The following USP34 variants were observed in gnomAD, a reference collection of about 807,000 sequenced individuals.
USP34 encodes ubiquitin specific peptidase 34, also known as ubiquitin carboxyl-terminal hydrolase 34.
In USP34, 70 loss-of-function variants were observed where a neutral mutation model predicts 460.3. The ratio of observed to expected loss-of-function variants is 0.15; its 90% CI spans 0.13 to 0.19. The LOEUF (loss-of-function observed/expected upper bound fraction) is 0.19, where lower values mean the gene tolerates loss of function less well. Ranked by LOEUF, USP34 falls within the 10% of genes least tolerant of loss-of-function variation. USP34 has a pLI of 1.00. For missense variants in USP34, 3,985 were observed against 4,236.2 expected, an observed-to-expected ratio of 0.94 and a Z score of 1.65; for synonymous variants, 1,647 against 1,405.3, an observed-to-expected ratio of 1.17 and a Z score of -3.85.
At chr2:61,429,343 A>G (rs564383991) in intron 1 of USP34, among the ~76,000 whole-genome samples, 41 of 152,314 alleles carry the variant, frequency 2.7e-4, no homozygotes, top group Non-Finnish European at 4.6e-4. Context: ...GCTACTTGGG[A>G]GGCTGAGGCA....
At position 61,369,111 on chromosome 2, in the gene USP34, A is replaced by C. The variant is rs192423467; in HGVS notation, c.1251+1210T>G. 3.4e-4 allele frequency among the ~76,000 whole-genome samples: 52 copies of C among 152,328 alleles called. No individual in the cohort carries two copies. The East Asian group carries it at 9.6e-3, about 28-fold the overall frequency. On this transcript the variant is annotated intron_variant, in intron 10 of 79. Coordinates refer to ENST00000398571, the MANE Select transcript of USP34 (RefSeq NM_014709.4). ...AAAGAAACGCAAATTTAAAATACCA[A>C]TGATATCACTTTTCACCCATCAGGT...
chr2:61,435,276 C>G (rs1272138964), intron 1 of USP34, among the ~76,000 whole-genome samples: 1 of 125,096 alleles, frequency 8.0e-6, no homozygotes, highest in African/African-American at 3.0e-5. Flanking sequence ...TGTATTCTAT[C>G]TAGCCTGGGC....
intron 27 of USP34, among the ~76,000 whole-genome samples, 188 bp downstream of exon 27, chr2:61,311,352 T>A (rs568376116): frequency 6.6e-6 from 1 of 152,184 alleles, no homozygotes; most frequent in South Asian, 2.1e-4. Flanking sequence ...CTTCCCAAAT[T>A]CTGTTCTTTA....
chr2:61,430,214 CA>C lies in USP34; in HGVS notation c.44-9382del, dbSNP rs1232126412. ...TGGGCGACAGAGCGAGTCTTCGTCA[CA>C]AAAAAAAAAAAAAAAGAAAAGAAAA... On this transcript the variant is annotated intron_variant, in intron 1 of 79. Transcript: ENST00000398571. 8.6e-3 allele frequency among the ~76,000 whole-genome samples: 670 copies of C among 78,104 alleles called. 4 individuals are homozygous for C. Among genetic ancestry groups the C allele is most frequent in the African/African-American group, 0.03 (545 of 18,154 alleles). The allele number at this position is 78,104 out of a possible 152,430, so 51.2% of individuals were successfully genotyped here.
rs571626677 is a variant in USP34 at position 61,278,419 on chromosome 2, A to G, written c.5281T>C (p.Leu1761=). 348 of 1,599,988 alleles carry G rather than the reference A, an allele frequency of 2.2e-4. 3 individuals are homozygous for G. The South Asian group carries it at 3.8e-3, about 17-fold the overall frequency. ...ATACAGTCAGCCAAATGTCTTGCCA[A>G]GGCATCTAAGTCGAGGAGCGTTGTC... is the stretch of plus-strand genomic sequence containing the variant. The part of the protein sequence containing the change: ...SQTTLLDLDA[L]ARHLADCIRS... Residue 1761 remains leucine, a synonymous_variant, in exon 40 of 80, where the codon TTG becomes CTG. Coordinates refer to ENST00000398571, the MANE Select transcript of USP34 (RefSeq NM_014709.4).
chr2:61,236,045 A>T lies in USP34; in HGVS notation c.6947T>A (p.Phe2316Tyr), dbSNP rs769099081. The T allele has an allele frequency of 3.1e-6, 5 of 1,607,124 alleles. No individual in the cohort carries two copies. Among genetic ancestry groups the T allele is most frequent in the Non-Finnish European group, 4.2e-6 (5 of 1,178,356 alleles). ...ACATACCTTTTCTTTAGAATGAATAAATGTCTCTAGGACAAAGGAAGTGCT... is the reference window on the plus strand; with the variant it reads ...ACATACCTTTTCTTTAGAATGAATATATGTCTCTAGGACAAAGGAAGTGCT... ...KLSTSFVLET[F>Y]IHSKEKPTML... Residue 2316 changes from phenylalanine (F) to tyrosine (Y), a missense_variant, in exon 56 of 80, where the codon TTT (phenylalanine) becomes TAT (tyrosine). Physicochemically the swap from Phe to Tyr is conservative, Grantham distance 22 (BLOSUM62 3). Transcript: ENST00000398571.
intron 7 of USP34, 121 bp downstream of exon 7, chr2:61,380,048 T>A (rs1267778274): frequency 4.6e-5 from 34 of 739,118 alleles, no homozygotes. Context: ...CCATATAAAG[T>A]AATCCACATA....
At chr2:61,296,456 T>C (rs1690033458) in intron 30 of USP34, among the ~76,000 whole-genome samples, 1 of 152,178 alleles carries the variant, frequency 6.6e-6, no homozygotes, top group South Asian at 2.1e-4. Context: ...ATGCACATCA[T>C]TTCACCTCTG....
intron 57 of USP34, among the ~76,000 whole-genome samples, chr2:61,235,114 T>C (rs1688027866): frequency 6.6e-6 from 1 of 152,186 alleles, no homozygotes; most frequent in Non-Finnish European, 1.5e-5. Context: ...CACATACACA[T>C]AACTACATGG....
In USP34 at chr2:61,387,958, CATAT is replaced by C. The variant is rs67320666; in HGVS notation, c.754-4626_754-4623del. ...ACACACACACACACACACACACACA[CATAT>C]ATATATATAAATATAAAAAAAAGGC... On this transcript the variant is annotated intron_variant, in intron 5 of 79. Coordinates refer to ENST00000398571, the MANE Select transcript of USP34 (RefSeq NM_014709.4). 5.2e-3 allele frequency among the ~76,000 whole-genome samples: 681 copies of C among 129,732 alleles called. 10 individuals carry two copies. The highest frequency in any genetic ancestry group is 0.044 in the Middle Eastern group (12 of 274). 85.1% of individuals were successfully genotyped at this position (129,732 alleles called of 152,430 possible). A position where few individuals can be genotyped will look rare whatever the true frequency, so the allele number is the denominator to read the frequency against.
intron 41 of USP34, among the ~76,000 whole-genome samples, chr2:61,268,546 T>C (rs879539352): frequency 4.8e-5 from 7 of 147,056 alleles, no homozygotes; most frequent in Middle Eastern, 3.5e-3. Context: ...AGTAAAAGGC[T>C]CCTGAGTCCT....
intron 2 of USP34, among the ~76,000 whole-genome samples, chr2:61,406,405 G>T (rs1400401321): frequency 1.3e-5 from 2 of 152,042 alleles, no homozygotes; most frequent in African/African-American, 4.8e-5. Flanking sequence ...TTAAAAACAA[G>T]AATTGTGACA....
At chr2:61,296,683 G>A (rs1435809896) in intron 30 of USP34, 117 bp downstream of exon 30, 2 of 1,098,384 alleles carry the variant, frequency 1.8e-6, no homozygotes, top group Non-Finnish European at 2.5e-6. Context: ...CTACTATATG[G>A]GTAAAAACTA....
intron 48 of USP34, among the ~76,000 whole-genome samples, chr2:61,255,765 C>T (rs1006168030): frequency 2.0e-5 from 3 of 152,148 alleles, no homozygotes; most frequent in Admixed American, 6.5e-5. Context: ...ATCCCTTTGT[C>T]CAGCTTATCT....
rs755110415 is a variant in USP34, at chr2:61,256,343, C to G, written c.6221+41G>C. 6 of 1,532,750 alleles carry G rather than the reference C, an allele frequency of 3.9e-6. No individual in the cohort carries two copies. In the East Asian group the frequency reaches 1.4e-4, roughly 35 times the overall value. The allele number at this position is 1,532,750 out of a possible 1,614,324, so 94.9% of individuals were successfully genotyped here. A position where few individuals can be genotyped will look rare whatever the true frequency, so the allele number is the denominator to read the frequency against. ...TTTACCCTTAGTTTGTCTTTCACTT[C>G]TACGGTGAACATAATAAAAATCACA... On this transcript the variant is annotated intron_variant, in intron 48 of 79. Coordinates refer to ENST00000398571, the MANE Select transcript of USP34 (RefSeq NM_014709.4).
At position 61,317,514 on chromosome 2, in the gene USP34, T is replaced by G; in HGVS notation, c.3282+140A>C. 5 of 656,298 alleles carry G rather than the reference T, an allele frequency of 7.6e-6. No individual in the cohort carries two copies. The South Asian group carries it at 8.1e-5, about 11-fold the overall frequency. 40.7% of individuals were successfully genotyped at this position (656,298 alleles called of 1,614,324 possible). On this transcript the variant is annotated intron_variant, in intron 23 of 79. Transcript: ENST00000398571. ...TGCACTACAGCCTGAGCAACAGAGA[T>G]AGACTCCATCTCAAAACAAACCCAA...
At chr2:61,461,286 G>A (rs926460648) in intron 1 of USP34, among the ~76,000 whole-genome samples, 2 of 151,582 alleles carry the variant, frequency 1.3e-5, no homozygotes, top group South Asian at 2.1e-4. Context: ...CCAGCTACTC[G>A]GGAGTCTGAG....
intron 75 of USP34, among the ~76,000 whole-genome samples, chr2:61,195,715 TAC>T (rs1307886569): frequency 6.6e-6 from 1 of 151,984 alleles, no homozygotes; most frequent in East Asian, 1.9e-4. Context: ...AACAGTATGT[TAC>T]AGAGACCTTG....
intron 29 of USP34, 74 bp downstream of exon 29, chr2:61,300,877 A>T (rs943039879): frequency 3.4e-5 from 34 of 1,008,266 alleles, no homozygotes; most frequent in African/African-American, 6.5e-5. Flanking sequence ...TTTATAAACT[A>T]TACTTTTATT....
Sources: gnomAD v4.1 joint callset for allele counts (sites outside exome capture counted in the v4.1 genomes callset) on GRCh38, gnomAD v4.1.1 for gene constraint, MANE v1.5 for transcripts, NCBI Gene and HGNC (gene_info 2026-07-23, HGNC 2026-07-21) for gene names.